Variants in PTGIR observed in about 807,000 individuals in gnomAD.
The protein encoded by PTGIR is prostaglandin I2 receptor, also known as prostacyclin receptor.
Under a neutral mutation model 17.6 loss-of-function variants are expected in PTGIR, and 16 were observed. The observed-to-expected ratio is 0.91, with a 90% CI of 0.61 to 1.38. PTGIR has a LOEUF of 1.38. Among genes scored for constraint, PTGIR ranks in the 40% most tolerant of loss-of-function variants. The pLI, the probability that PTGIR is intolerant of heterozygous loss-of-function variation, is 0.00. For missense variants in PTGIR, 532 were observed against 548.6 expected (o/e 0.97, Z 0.30); for synonymous variants, 274 against 255.4 (o/e 1.07, Z -0.69).
Position 46,620,539 on chromosome 19 carries a change from G to A in PTGIR, c.*741C>T, listed in dbSNP as rs1972043356. 1 of 985,278 alleles carries A rather than the reference G, an allele frequency of 1.0e-6. No homozygotes were observed. Among genetic ancestry groups the A allele is most frequent in the South Asian group, 4.7e-5 (1 of 21,288 alleles). 61.0% of individuals were successfully genotyped at this position (985,278 alleles called of 1,614,324 possible). A position where few individuals can be genotyped will look rare whatever the true frequency, so the allele number is the denominator to read the frequency against. On this transcript the variant is annotated 3_prime_UTR_variant, in exon 3 of 3. Coordinates refer to ENST00000291294, the MANE Select transcript of PTGIR (RefSeq NM_000960.4). Reference sequence around the variant, plus strand: ...GGCACAGGACTTAGGTTTGTGTTCTGGGGCAGTCCCTGGGATCCGCAGCCC... The same window carrying A: ...GGCACAGGACTTAGGTTTGTGTTCTAGGGCAGTCCCTGGGATCCGCAGCCC...
In PTGIR at chr19:46,623,809, C is replaced by A; in HGVS notation, c.417G>T (p.Ala139=). 1.2e-6 allele frequency: 2 copies of A among 1,608,240 alleles called. No individual in the cohort carries two copies. The highest frequency in any genetic ancestry group is 1.3e-5 in the African/African-American group (1 of 74,964). ...CGCAGAAGGCGTAGATGGCTGGCAGCGCCAGGCGGGCGCAGCGGGGCCCGT... is the reference window on the plus strand; with the variant it reads ...CGCAGAAGGCGTAGATGGCTGGCAGAGCCAGGCGGGCGCAGCGGGGCCCGT... The part of the protein sequence containing the change: ...QLDGPRCARL[A]LPAIYAFCVL... The change falls in exon 2 of 3, where the codon GCG becomes GCT. Residue 139 remains alanine (A), a synonymous_variant. Coordinates refer to ENST00000291294, the MANE Select transcript of PTGIR (RefSeq NM_000960.4).
At chr19:46,623,227 C>T in intron 2 of PTGIR, 1 of 449,564 alleles carries the variant, frequency 2.2e-6, no homozygotes, top group Non-Finnish European at 3.9e-6. Context: ...GAACTCCTGA[C>T]CTCAAATGAT....
intron 2 of PTGIR, chr19:46,622,113 C>T (rs1249123510): frequency 1.0e-6 from 1 of 985,346 alleles, no homozygotes; most frequent in Non-Finnish European, 1.2e-6. Context: ...GGCCTGGCCT[C>T]TTGCATTTTA....
downstream of PTGIR, among the ~76,000 whole-genome samples, chr19:46,615,928 A>C (rs774725221): frequency 6.6e-6 from 1 of 151,846 alleles, no homozygotes; most frequent in Non-Finnish European, 1.5e-5. Flanking sequence ...CCACCTCCCA[A>C]GTCGCTGGGA....
downstream of PTGIR, among the ~76,000 whole-genome samples, chr19:46,617,166 AG>A (rs150627327): frequency 0.042 from 6,392 of 152,234 alleles, 315 homozygotes; most frequent in East Asian, 0.26. Flanking sequence ...CAAGGCCTGC[AG>A]GGGGGTGGGA....
At chr19:46,616,286 T>A (rs78656764), downstream of PTGIR, among the ~76,000 whole-genome samples, 3,494 of 146,028 alleles carry the variant, frequency 0.024, 126 homozygotes, top group East Asian at 0.11. Flanking sequence ...AAGGGAGGCA[T>A]CAGATGCCCC....
downstream of PTGIR, among the ~76,000 whole-genome samples, chr19:46,618,571 T>C (rs1056517118): frequency 1.3e-5 from 2 of 152,240 alleles, no homozygotes; most frequent in Admixed American, 1.3e-4. Flanking sequence ...AATGCAGGGA[T>C]TACAGATGGG....
the PTGIR span, among the ~76,000 whole-genome samples, chr19:46,612,220 C>G: frequency 1.8e-4 from 28 of 152,234 alleles, no homozygotes; most frequent in Non-Finnish European, 7.3e-5. Context: ...GGTTCCAGCA[C>G]TTACCTGCCT....
downstream of PTGIR, among the ~76,000 whole-genome samples, chr19:46,619,559 GAGAGAGAGAGAGAGAGA>G (rs1972017611): frequency 2.4e-5 from 2 of 83,862 alleles, no homozygotes; most frequent in East Asian, 3.9e-4. Flanking sequence ...GAGAGAGAGA[GAGAGAGAGAGAGAGAGA>G]GAGAGAGAAA....
In PTGIR at chr19:46,620,739, G is replaced by A. The variant is rs967110579; in HGVS notation, c.*541C>T. On this transcript the variant is annotated 3_prime_UTR_variant, in exon 3 of 3. Coordinates refer to ENST00000291294, the MANE Select transcript of PTGIR (RefSeq NM_000960.4). The stretch of plus-strand genomic sequence containing the variant: ...CTCCCCTTCCTCCCGTTGCCCCTTT[G>A]GGATGCCAGGGCTCCCAAGCCTGGT... The A allele has an allele frequency of 5.1e-6, 5 of 985,898 alleles. No homozygotes were observed. The highest frequency in any genetic ancestry group is 6.0e-6 in the Non-Finnish European group (5 of 830,044). The allele number at this position is 985,898 out of a possible 1,614,324, so 61.1% of individuals were successfully genotyped here. A position where few individuals can be genotyped will look rare whatever the true frequency, so the allele number is the denominator to read the frequency against.
At chr19:46,612,280 C>G in the PTGIR span, among the ~76,000 whole-genome samples, 43 of 152,300 alleles carry the variant, frequency 2.8e-4, no homozygotes, top group Admixed American at 2.3e-3. Flanking sequence ...ATGACCCTGT[C>G]CACAAAATGG....
rs1273727138 is a variant in PTGIR, at chr19:46,623,989, G to T, written c.237C>A (p.Ser79Arg). The T allele has an allele frequency of 6.4e-7, 1 of 1,560,298 alleles. No homozygotes were observed. The highest frequency in any genetic ancestry group is 8.7e-7 in the Non-Finnish European group (1 of 1,152,082). The change falls in exon 2 of 3, where the codon AGC becomes AGA. Residue 79 changes from serine (S) to arginine (R), a missense_variant. Physicochemically the swap from Ser to Arg is moderately radical, Grantham distance 110. Transcript: ENST00000291294. ...CGCCTCGGGCCAGGCCCAGCAGGGA[G>T]CTGTTGCGCGCATAGGCCACGAACA... Reference protein sequence around the residue: ...PAVFVAYARNSSLLGLARGGP... With the variant: ...PAVFVAYARNRSLLGLARGGP...
rs772911195 is a variant in PTGIR, at chr19:46,623,972, GCCAGGC to G, written c.248_253del (p.Gly83_Leu84del). The G allele has an allele frequency of 2.5e-6, 4 of 1,570,952 alleles. No individual in the cohort carries two copies. The highest frequency in any genetic ancestry group is 2.6e-6 in the Non-Finnish European group (3 of 1,157,648). On this transcript the variant is annotated inframe_deletion, in exon 2 of 3. Transcript: ENST00000291294. ...ATCGCACAGGGCGGGGCCGCCTCGG[GCCAGGC>G]CCAGCAGGGAGCTGTTGCGCGCATA...
rs2052770761 is a variant in PTGIR at position 46,624,068 on chromosome 19, A to G, written c.158T>C (p.Val53Ala). 5.8e-6 allele frequency: 9 copies of G among 1,540,548 alleles called. No individual in the cohort carries two copies. Among genetic ancestry groups the G allele is most frequent in the Non-Finnish European group, 7.8e-6 (9 of 1,146,876 alleles). Residue 53 changes from valine (V) to alanine (A), a missense_variant, in exon 2 of 3, where the codon GTG (valine) becomes GCG (alanine). Transcript: ENST00000291294. ...PARPSAFAVL[V>A]TGLAATDLLG... Reference sequence around the variant, plus strand: ...CAGGTCGGTGGCCGCCAGTCCGGTCACCAGCACCGCGAAGGCCGAGGGGCG... The same window carrying G: ...CAGGTCGGTGGCCGCCAGTCCGGTCGCCAGCACCGCGAAGGCCGAGGGGCG...
In PTGIR at chr19:46,621,114, T is replaced by C; in HGVS notation, c.*166A>G. On this transcript the variant is annotated 3_prime_UTR_variant, in exon 3 of 3. Transcript: ENST00000291294. The surrounding 1 kb of genome is among the most constrained non-coding windows in gnomAD (Gnocchi z 4.8). ...AACGTTTCCTCTGTCCCTCACTCTC[T>C]TCCCAGAGCCAGCAGCGACTGCCCT... The C allele has an allele frequency of 1.4e-5, 18 of 1,319,004 alleles. No homozygotes were observed. The highest frequency in any genetic ancestry group is 1.7e-5 in the Non-Finnish European group (18 of 1,034,112). The allele number at this position is 1,319,004 out of a possible 1,614,324, so 81.7% of individuals were successfully genotyped here.
Position 46,623,990 on chromosome 19 carries a change from C to G in PTGIR, c.236G>C (p.Ser79Thr), listed in dbSNP as rs2052768606. ...PAVFVAYARN[S>T]SLLGLARGGP... The stretch of plus-strand genomic sequence containing the variant: ...GCCTCGGGCCAGGCCCAGCAGGGAG[C>G]TGTTGCGCGCATAGGCCACGAACAC... The change falls in exon 2 of 3, where the codon AGC becomes ACC. Residue 79 changes from serine to threonine, a missense_variant. Physicochemically the swap from Ser to Thr is moderately conservative, Grantham distance 58 (BLOSUM62 1). Coordinates refer to ENST00000291294, the MANE Select transcript of PTGIR (RefSeq NM_000960.4). 6.4e-7 allele frequency: 1 copy of G among 1,560,028 alleles called. No individual in the cohort carries two copies. Among genetic ancestry groups the G allele is most frequent in the Non-Finnish European group, 8.7e-7 (1 of 1,152,006 alleles).
chr19:46,615,595 TC>T (rs1163093922), downstream of PTGIR, among the ~76,000 whole-genome samples: 3 of 151,942 alleles, frequency 2.0e-5, no homozygotes, highest in Non-Finnish European at 4.4e-5. Flanking sequence ...AAGCTCCACC[TC>T]CCCGGTTCAC....
intron 2 of PTGIR, chr19:46,622,234 C>T (rs1037123302): frequency 2.0e-6 from 2 of 985,336 alleles, no homozygotes; most frequent in South Asian, 4.7e-5. Context: ...GGACGGGGTC[C>T]CCGCAGGAAA....
chr19:46,615,646 C>T (rs1294312782), downstream of PTGIR, among the ~76,000 whole-genome samples: 7 of 151,916 alleles, frequency 4.6e-5, no homozygotes, highest in Middle Eastern at 3.4e-3. Flanking sequence ...GCTGGGACTA[C>T]GGGTGCCCAC....
Sources: gnomAD v4.1 joint callset for allele counts (sites outside exome capture counted in the v4.1 genomes callset) on GRCh38, gnomAD v4.1.1 for gene constraint, Gnocchi (gnomAD v3.1) non-coding constraint, MANE v1.5 for transcripts, NCBI Gene and HGNC (gene_info 2026-07-23, HGNC 2026-07-21) for gene names.